Variants in HDAC9 observed in about 807,000 individuals in gnomAD.
HDAC9 encodes MEF-2 interacting transcription repressor (MITR) protein.
Under a neutral mutation model 139.4 loss-of-function variants are expected in HDAC9, and 41 were observed. The observed-to-expected ratio is 0.29, with a 90% CI of 0.23 to 0.38. The LOEUF (loss-of-function observed/expected upper bound fraction) is 0.38, where lower values mean the gene tolerates loss of function less well. Among genes scored for constraint, HDAC9 ranks in the 10% least tolerant of loss-of-function variants. The probability of loss-of-function intolerance (pLI) is 1.00; values close to 1 mark genes in which losing one functional copy is unlikely to be tolerated. For synonymous variants in HDAC9, 517 were observed against 476.2 expected, an observed-to-expected ratio of 1.09 and a Z score of -1.12; for missense variants, 1,147 against 1,297.0, an observed-to-expected ratio of 0.88 and a Z score of 1.78.
intron 19 of HDAC9, among the ~76,000 whole-genome samples, chr7:18,830,589 C>G (rs535855859): frequency 6.6e-6 from 1 of 152,174 alleles, no homozygotes; most frequent in African/African-American, 2.4e-5. Context: ...TGAGAGAGCA[C>G]AAACAAAGCC....
chr7:18,652,535 A>G (rs554340343), intron 11 of HDAC9, among the ~76,000 whole-genome samples: 1 of 152,254 alleles, frequency 6.6e-6, no homozygotes, highest in East Asian at 1.9e-4. Context: ...TTTGAATGAT[A>G]TATAGAAAAT....
chr7:18,457,673 T>C (rs1793464905), intron 1 of HDAC9, among the ~76,000 whole-genome samples: 1 of 152,200 alleles, frequency 6.6e-6, no homozygotes, highest in East Asian at 1.9e-4. Flanking sequence ...TTTTCTTTCA[T>C]ATCAACTGAA....
intron 6 of HDAC9, among the ~76,000 whole-genome samples, chr7:18,624,444 G>A (rs925924022): frequency 6.6e-6 from 1 of 152,158 alleles, no homozygotes; most frequent in Non-Finnish European, 1.5e-5. Context: ...GCAGGCAAAT[G>A]TATTCAGATG....
chr7:18,465,048 T>C (rs1794154578), intron 1 of HDAC9, among the ~76,000 whole-genome samples: 1 of 152,104 alleles, frequency 6.6e-6, no homozygotes, highest in Non-Finnish European at 1.5e-5. Context: ...ATGTCTTTCA[T>C]CAGTTTTAGT....
chr7:18,704,347 T>C (rs1397853379), intron 12 of HDAC9, among the ~76,000 whole-genome samples: 1 of 152,252 alleles, frequency 6.6e-6, no homozygotes, highest in African/African-American at 2.4e-5. Context: ...ATTAGAAGTA[T>C]TGTGGGCTCT....
chr7:18,958,400 G>T (rs1017873042), intron 24 of HDAC9, among the ~76,000 whole-genome samples: 7 of 152,162 alleles, frequency 4.6e-5, no homozygotes, highest in Non-Finnish European at 8.8e-5. Flanking sequence ...GAATCTCTAA[G>T]AGATGTTAGC....
intron 1 of HDAC9, among the ~76,000 whole-genome samples, chr7:18,150,248 GTAGCAACAAAACAGTCTGATTTAT>G (rs1786673668): frequency 6.6e-6 from 1 of 150,972 alleles, no homozygotes; most frequent in Non-Finnish European, 1.5e-5. Flanking sequence ...TTTTTGAGAT[GTAGCAACAAAACAGTCTGATTTAT>G]TAGGTTGGTC....
chr7:18,230,598 G>T (rs1202960261), intron 2 of HDAC9, among the ~76,000 whole-genome samples: 2 of 152,200 alleles, frequency 1.3e-5, no homozygotes, highest in African/African-American at 2.4e-5. Context: ...CTCAAATGAG[G>T]TCGTTTTGCT....
At chr7:18,929,450 A>C (rs895614155) in intron 22 of HDAC9, among the ~76,000 whole-genome samples, 3 of 152,002 alleles carry the variant, frequency 2.0e-5, no homozygotes, top group Admixed American at 6.5e-5. Flanking sequence ...GTTCAGCTCC[A>C]CTTGGTCATC....
At chr7:18,446,944 T>A (rs1339529689) in intron 1 of HDAC9, among the ~76,000 whole-genome samples, 1 of 152,210 alleles carries the variant, frequency 6.6e-6, no homozygotes, top group Admixed American at 6.5e-5. Context: ...AAAAAAAGAT[T>A]CAACGTATAT....
chr7:18,751,454 C>T (rs918673592), intron 14 of HDAC9, among the ~76,000 whole-genome samples: 2 of 152,082 alleles, frequency 1.3e-5, no homozygotes, highest in Admixed American at 6.6e-5. Context: ...TGTTTGCTTT[C>T]TTAAGTGAAG....
At chr7:18,837,558 A>G (rs1796318572) in intron 21 of HDAC9, among the ~76,000 whole-genome samples, 1 of 152,050 alleles carries the variant, frequency 6.6e-6, no homozygotes, top group Non-Finnish European at 1.5e-5. Context: ...TAAATTCTCA[A>G]CCTTACTATC....
At chr7:18,763,944 A>C (rs1450624133) in intron 15 of HDAC9, among the ~76,000 whole-genome samples, 1 of 152,180 alleles carries the variant, frequency 6.6e-6, no homozygotes, top group African/African-American at 2.4e-5. Context: ...GCTCCAAAAC[A>C]ACCATTGTTC....
chr7:18,899,728 CA>C (rs1801528580), intron 22 of HDAC9, among the ~76,000 whole-genome samples: 1 of 151,776 alleles, frequency 6.6e-6, no homozygotes, highest in African/African-American at 2.4e-5. Flanking sequence ...AACAAATTAT[CA>C]GTGTAATTTG....
chr7:18,853,928 G>T, intron 21 of HDAC9, among the ~76,000 whole-genome samples: 1 of 152,096 alleles, frequency 6.6e-6, no homozygotes, highest in East Asian at 1.9e-4. Flanking sequence ...CTTAAGTGTT[G>T]ATTGAATTGT....
chr7:18,224,671 C>G (rs1792932635), intron 2 of HDAC9, among the ~76,000 whole-genome samples: 1 of 152,088 alleles, frequency 6.6e-6, no homozygotes, highest in African/African-American at 2.4e-5. Flanking sequence ...TGCTCCCTGT[C>G]TCCCATAACC....
intron 2 of HDAC9, among the ~76,000 whole-genome samples, chr7:18,571,799 T>C (rs1563325046): frequency 6.6e-6 from 1 of 151,980 alleles, no homozygotes; most frequent in Non-Finnish European, 1.5e-5. Flanking sequence ...AGAAGGAAGG[T>C]ATATCACACA....
chr7:18,537,815 A>G (rs763568461), intron 2 of HDAC9, among the ~76,000 whole-genome samples: 2 of 152,220 alleles, frequency 1.3e-5, no homozygotes, highest in Non-Finnish European at 1.5e-5. Flanking sequence ...TAGTGGCCAC[A>G]GACATTGAAA....
At chr7:18,725,641 A>G (rs1279416645) in intron 12 of HDAC9, among the ~76,000 whole-genome samples, 1 of 152,126 alleles carries the variant, frequency 6.6e-6, no homozygotes, top group African/African-American at 2.4e-5. Flanking sequence ...AAAGAAAGGG[A>G]GGAGATGGAT....
Sources: allele counts gnomAD v4.1 joint callset (sites outside exome capture counted in the v4.1 genomes callset), GRCh38; gene constraint gnomAD v4.1.1; transcripts MANE v1.5; gene names NCBI Gene and HGNC (gene_info 2026-07-23, HGNC 2026-07-21).